The following FBLN1 variants were observed in gnomAD, a reference collection of about 807,000 sequenced individuals.
The protein encoded by FBLN1 is fibulin 1, also known as fibulin-1.
FBLN1 carries 34 observed loss-of-function variants against 89.7 expected under a neutral mutation model. The ratio of observed to expected loss-of-function variants is 0.38; its 90% CI spans 0.29 to 0.50. FBLN1 has a LOEUF of 0.50. Ranked by LOEUF, FBLN1 falls within the 20% of genes least tolerant of loss-of-function variation. The pLI is 0.92. For synonymous variants in FBLN1, 393 were observed against 391.3 expected (o/e 1.00, Z -0.05); for missense variants, 777 against 988.1 (o/e 0.79, Z 2.86).
rs1350422171 is a variant in FBLN1 at position 45,579,703 on chromosome 22, C to A, written c.1972+2595C>A. ...ACTGAGACCAGGGAGGCAAGCCCTG[C>A]GTGTTGGGACCTAGGCTGCATTGCT... On this transcript the variant is annotated intron_variant, in intron 16 of 16. Coordinates refer to ENST00000327858, the MANE Select transcript of FBLN1 (RefSeq NM_006486.3). The surrounding 1 kb of genome is among the most constrained non-coding windows in gnomAD (Gnocchi z 5.5). 6.6e-6 allele frequency among the ~76,000 whole-genome samples: 1 copy of A among 152,184 alleles called. No homozygotes were observed. Among genetic ancestry groups the A allele is most frequent in the African/African-American group, 2.4e-5 (1 of 41,442 alleles).
intron 16 of FBLN1, among the ~76,000 whole-genome samples, chr22:45,595,445 G>T (rs952963155): frequency 2.0e-5 from 3 of 152,130 alleles, no homozygotes; most frequent in Non-Finnish European, 4.4e-5. Context: ...TCCAGGCCCC[G>T]AATCTGACCA....
intron 2 of FBLN1, among the ~76,000 whole-genome samples, chr22:45,520,817 T>C (rs1413494100): frequency 1.3e-5 from 2 of 152,156 alleles, no homozygotes; most frequent in Non-Finnish European, 2.9e-5. Context: ...TGGAGTTATC[T>C]TTTTTCTTTA....
At chr22:45,526,700 G>A (rs1360800300) in intron 3 of FBLN1, among the ~76,000 whole-genome samples, 1 of 152,196 alleles carries the variant, frequency 6.6e-6, no homozygotes, top group East Asian at 1.9e-4. Flanking sequence ...TGGGGGTCCC[G>A]AGTCCCCTGC....
intron 16 of FBLN1, among the ~76,000 whole-genome samples, chr22:45,586,392 C>T (rs1239519833): frequency 6.6e-6 from 1 of 152,228 alleles, no homozygotes; most frequent in Non-Finnish European, 1.5e-5. Context: ...GTCGGCTACA[C>T]CCCTCTCTAC....
Position 45,557,367 on chromosome 22 carries a change from G to A in FBLN1, c.1697+6752G>A, listed in dbSNP as rs957027827. On this transcript the variant is annotated intron_variant, in intron 14 of 16. Coordinates refer to ENST00000327858, the MANE Select transcript of FBLN1 (RefSeq NM_006486.3). This position sits in a 1 kb window ranked among gnomAD's most constrained non-coding sequence, Gnocchi z 4.9. ...CCATTTCCATGATGGAAGAGGTCCA[G>A]TATAATCAACCTGCCACCAGGTAGC... Among the ~76,000 whole-genome samples the A allele has an allele frequency of 1.3e-5, 2 of 152,192 alleles. No homozygotes were observed. The highest frequency in any genetic ancestry group is 2.9e-5 in the Non-Finnish European group (2 of 68,040).
rs912086933 is a variant in FBLN1, at chr22:45,550,882, C to T, written c.1697+267C>T. The T allele has an allele frequency of 1.5e-5, 8 of 534,410 alleles. No individual in the cohort carries two copies. The highest frequency in any genetic ancestry group is 2.7e-5 in the Non-Finnish European group (8 of 295,822). The allele number at this position is 534,410 out of a possible 1,614,324, so 33.1% of individuals were successfully genotyped here. On this transcript the variant is annotated intron_variant, in intron 14 of 16. Coordinates refer to ENST00000327858, the MANE Select transcript of FBLN1 (RefSeq NM_006486.3). This position sits in a 1 kb window ranked among gnomAD's most constrained non-coding sequence, Gnocchi z 8.4. The stretch of plus-strand genomic sequence containing the variant: ...CTGTGCACAGAACCAGGAGAAACCA[C>T]AGCCCTCTTTTTTCCTAGGGTGGAA...
chr22:45,518,435 C>G (rs995809600), intron 1 of FBLN1: 1 of 565,960 alleles, frequency 1.8e-6, no homozygotes, highest in Non-Finnish European at 3.2e-6. Flanking sequence ...GAGCCGCAGC[C>G]CTGTCCAAGC....
chr22:45,574,647 C>A lies in FBLN1; in HGVS notation c.1834C>A (p.Pro612Thr). Residue 612 changes from proline (P) to threonine (T), a missense_variant, in exon 15 of 17, where the codon CCT becomes ACT. By Grantham distance (38) the Pro-to-Thr change is conservative. Coordinates refer to ENST00000327858, the MANE Select transcript of FBLN1 (RefSeq NM_006486.3). This position sits in a 1 kb window ranked among gnomAD's most constrained non-coding sequence, Gnocchi z 4.1. ...SLPTFREFTR[P>T]EEIIFLRAIT... ...GCCTACCTTCCGCGAGTTCACCCGC[C>A]CTGAAGGTGAGTGGGATGGGTGTGG... 1 of 1,613,692 alleles carries A rather than the reference C, an allele frequency of 6.2e-7. No individual in the cohort carries two copies. The highest frequency in any genetic ancestry group is 8.5e-7 in the Non-Finnish European group (1 of 1,179,956).
At chr22:45,520,084 C>T (rs989128455) in intron 2 of FBLN1, among the ~76,000 whole-genome samples, 3 of 152,048 alleles carry the variant, frequency 2.0e-5, no homozygotes, top group Non-Finnish European at 4.4e-5. Flanking sequence ...ACAAGAGAAT[C>T]GCTTGAACCC....
In FBLN1 at chr22:45,550,687, T is replaced by C; in HGVS notation, c.1697+72T>C. 3 of 1,609,866 alleles carry C rather than the reference T, an allele frequency of 1.9e-6. No individual in the cohort carries two copies. The highest frequency in any genetic ancestry group is 2.5e-6 in the Non-Finnish European group (3 of 1,177,078). Reference sequence around the variant, plus strand: ...CCTGGTGACCCAGTTCCCGGGTGGGTGGGTTATCAGGCTGTGACCTCGGTG... The same window carrying C: ...CCTGGTGACCCAGTTCCCGGGTGGGCGGGTTATCAGGCTGTGACCTCGGTG... On this transcript the variant is annotated intron_variant, in intron 14 of 16. Transcript: ENST00000327858. This position sits in a 1 kb window ranked among gnomAD's most constrained non-coding sequence, Gnocchi z 8.4.
Position 45,548,291 on chromosome 22 carries a change from C to T in FBLN1, c.1442-322C>T, listed in dbSNP as rs2071935. Among the ~76,000 whole-genome samples the T allele has an allele frequency of 0.69, 104,735 of 152,152 alleles. 36,200 individuals carry two copies. Among genetic ancestry groups the T allele is most frequent in the Admixed American group, 0.74 (11,305 of 15,298 alleles). On this transcript the variant is annotated intron_variant, in intron 12 of 16. Coordinates refer to ENST00000327858, the MANE Select transcript of FBLN1 (RefSeq NM_006486.3). Reference sequence around the variant, plus strand: ...GTCTCGAACTCCTGGGCTCAAGTAACCCTCCTGCCTCAGCCTCCCATGCCT... The same window carrying T: ...GTCTCGAACTCCTGGGCTCAAGTAATCCTCCTGCCTCAGCCTCCCATGCCT...
rs966563954 is a variant in FBLN1 at position 45,583,880 on chromosome 22, C to A, written c.1972+6772C>A. Reference sequence around the variant, plus strand: ...CAGGGTGTTATCCAGGCAGGTTTCCCGTGAGGAATTCTAACTGGGGGGCTT... The same window carrying A: ...CAGGGTGTTATCCAGGCAGGTTTCCAGTGAGGAATTCTAACTGGGGGGCTT... On this transcript the variant is annotated intron_variant, in intron 16 of 16. Coordinates refer to ENST00000327858, the MANE Select transcript of FBLN1 (RefSeq NM_006486.3). This position sits in a 1 kb window ranked among gnomAD's most constrained non-coding sequence, Gnocchi z 4.5. Among the ~76,000 whole-genome samples the A allele has an allele frequency of 6.6e-6, 1 of 152,082 alleles. No individual in the cohort carries two copies. The highest frequency in any genetic ancestry group is 2.4e-5 in the African/African-American group (1 of 41,378).
intron 16 of FBLN1, among the ~76,000 whole-genome samples, chr22:45,584,683 T>A (rs1278843653): frequency 3.3e-5 from 5 of 151,704 alleles, no homozygotes; most frequent in African/African-American, 1.2e-4. Context: ...AATGAGCCGC[T>A]GGGAGGAAGA....
chr22:45,533,194 A>ACTGGC lies in FBLN1; in HGVS notation c.646+32_646+36dup, dbSNP rs778143951. On this transcript the variant is annotated intron_variant, in intron 6 of 16. Coordinates refer to ENST00000327858, the MANE Select transcript of FBLN1 (RefSeq NM_006486.3). Reference sequence around the variant, plus strand: ...TGTCCCTATCCCAGGTGCCAGCAGGACTGGCCGGTCACTGTGCTTGGGAGC... The same window carrying ACTGGC: ...TGTCCCTATCCCAGGTGCCAGCAGGACTGGCCTGGCCGGTCACTGTGCTTGGGAGC... The ACTGGC allele has an allele frequency of 1.9e-6, 3 of 1,584,646 alleles. No homozygotes were observed. The Admixed American group carries it at 5.0e-5, about 26-fold the overall frequency.
chr22:45,517,763 C>A (rs2088188995), intron 1 of FBLN1: 3 of 399,022 alleles, frequency 7.5e-6, no homozygotes. Flanking sequence ...AGGCTTATGT[C>A]CCCCCTCCTG....
At position 45,563,419 on chromosome 22, in the gene FBLN1, C is replaced by A; in HGVS notation, c.1698-11092C>A. 6.7e-7 allele frequency: 1 copy of A among 1,492,718 alleles called. No individual in the cohort carries two copies. The highest frequency in any genetic ancestry group is 8.9e-7 in the Non-Finnish European group (1 of 1,119,456). The allele number at this position is 1,492,718 out of a possible 1,614,324, so 92.5% of individuals were successfully genotyped here. A position where few individuals can be genotyped will look rare whatever the true frequency, so the allele number is the denominator to read the frequency against. ...TTGGGAGTCTGTGCCGCTTGTTACCCGGGGGTGAGCTGGGCACTGGCCACC... is the reference window on the plus strand; with the variant it reads ...TTGGGAGTCTGTGCCGCTTGTTACCAGGGGGTGAGCTGGGCACTGGCCACC... On this transcript the variant is annotated intron_variant, in intron 14 of 16. Transcript: ENST00000327858. This position sits in a 1 kb window ranked among gnomAD's most constrained non-coding sequence, Gnocchi z 5.7.
Position 45,562,698 on chromosome 22 carries a change from T to C in FBLN1, c.1698-11813T>C, listed in dbSNP as rs994230041. On this transcript the variant is annotated intron_variant, in intron 14 of 16. Coordinates refer to ENST00000327858, the MANE Select transcript of FBLN1 (RefSeq NM_006486.3). This position sits in a 1 kb window ranked among gnomAD's most constrained non-coding sequence, Gnocchi z 7.8. ...GCCCCCGGCCACCCAGCGCCCGAGA[T>C]GGTGTTGGAAGAGGCTAGTGCCTGA... Among the ~76,000 whole-genome samples, 1 of 152,068 alleles carries C rather than the reference T, an allele frequency of 6.6e-6. No individual in the cohort carries two copies. The highest frequency in any genetic ancestry group is 1.5e-5 in the Non-Finnish European group (1 of 68,002).
intron 3 of FBLN1, among the ~76,000 whole-genome samples, chr22:45,526,822 C>A (rs1457287691): frequency 2.0e-5 from 3 of 152,148 alleles, no homozygotes; most frequent in Non-Finnish European, 4.4e-5. Flanking sequence ...TTCATGACTG[C>A]CCCCGCACCC....
At position 45,590,852 on chromosome 22, in the gene FBLN1, T is replaced by C. The variant is rs993753523; in HGVS notation, c.1973-9455T>C. ...AGTGGGTTTAAGGGAGGAGGGTAGG[T>C]CAGTGTTTGGCGTGCTTGGATTTGA... On this transcript the variant is annotated intron_variant, in intron 16 of 16. Transcript: ENST00000327858. The surrounding 1 kb of genome is among the most constrained non-coding windows in gnomAD (Gnocchi z 4.1). Among the ~76,000 whole-genome samples, 8 of 151,494 alleles carry C rather than the reference T, an allele frequency of 5.3e-5. No individual in the cohort carries two copies. The highest frequency in any genetic ancestry group is 1.9e-4 in the African/African-American group (8 of 41,212).
Sources: allele counts gnomAD v4.1 joint callset (sites outside exome capture counted in the v4.1 genomes callset), GRCh38; gene constraint gnomAD v4.1.1; non-coding constraint Gnocchi (gnomAD v3.1); transcripts MANE v1.5; gene names NCBI Gene and HGNC (gene_info 2026-07-23, HGNC 2026-07-21).